PLBD1: variants seen among roughly 807,000 people sequenced by gnomAD.
The protein encoded by PLBD1 is lysosomal leucine aminopeptidase.
In PLBD1, 60 loss-of-function variants were observed where a neutral mutation model predicts 63.0. The observed-to-expected ratio is 0.95, with a 90% CI of 0.77 to 1.18. The LOEUF is 1.18. Among genes scored for constraint, PLBD1 ranks in the 50% most tolerant of loss-of-function variants. The pLI is 0.00. For missense variants in PLBD1, 598 were observed against 677.9 expected (o/e 0.88, Z 1.31); for synonymous variants, 262 against 248.0 (o/e 1.06, Z -0.53).
intron 2 of PLBD1, among the ~76,000 whole-genome samples, chr12:14,551,988 A>G (rs1350991597): frequency 6.6e-6 from 1 of 152,228 alleles, no homozygotes; most frequent in Non-Finnish European, 1.5e-5. Flanking sequence ...TAGGGTAAAA[A>G]AATTGGGTAT....
At chr12:14,520,621 G>A (rs1216420229) in intron 6 of PLBD1, among the ~76,000 whole-genome samples, 2 of 152,196 alleles carry the variant, frequency 1.3e-5, no homozygotes, top group African/African-American at 2.4e-5. Flanking sequence ...GTGTTCCGAA[G>A]GAGTACAATA....
intron 7 of PLBD1, 29 bp downstream of exon 7, chr12:14,511,482 C>T: frequency 6.2e-7 from 1 of 1,614,002 alleles, no homozygotes; most frequent in South Asian, 1.1e-5. Context: ...TATGTCTGTG[C>T]CTAACAGTTA....
At chr12:14,540,995 C>G in intron 3 of PLBD1, 93 bp from the exon 4 acceptor site, 3 of 1,286,846 alleles carry the variant, frequency 2.3e-6, no homozygotes, top group Non-Finnish European at 3.2e-6. Flanking sequence ...TACTCAGACA[C>G]TTATGCTAAT....
chr12:14,557,548 A>G (rs1417274983), intron 1 of PLBD1, among the ~76,000 whole-genome samples: 1 of 152,186 alleles, frequency 6.6e-6, no homozygotes, highest in Non-Finnish European at 1.5e-5. Context: ...TCCTGAGCAA[A>G]CTAACGTAGG....
chr12:14,547,180 T>TTGTGTCTG, intron 2 of PLBD1, among the ~76,000 whole-genome samples: 3 of 138,218 alleles, frequency 2.2e-5, no homozygotes, highest in African/African-American at 8.2e-5. Context: ...GCACCTGGCT[T>TTGTGTCTG]TGTGTGTGTG....
intron 1 of PLBD1, among the ~76,000 whole-genome samples, chr12:14,567,008 T>C (rs1250210966): frequency 6.6e-6 from 1 of 151,742 alleles, no homozygotes. Flanking sequence ...GGGAGGAGAA[T>C]CGCTTGAACC....
chr12:14,557,162 C>CA (rs1283676331), intron 1 of PLBD1, among the ~76,000 whole-genome samples: 3 of 151,896 alleles, frequency 2.0e-5, no homozygotes, highest in Admixed American at 6.6e-5. Context: ...TTTAAAATGT[C>CA]AAAAAAATAA....
At chr12:14,526,833 G>A (rs780300985) in intron 6 of PLBD1, among the ~76,000 whole-genome samples, 5 of 152,062 alleles carry the variant, frequency 3.3e-5, no homozygotes, top group Admixed American at 1.3e-4. Flanking sequence ...TTGGCCGGGC[G>A]TGGTGGCGCA....
chr12:14,536,704 T>G lies in PLBD1; in HGVS notation c.565A>C (p.Thr189Pro), dbSNP rs144076568. The G allele has an allele frequency of 5.8e-4, 928 of 1,613,902 alleles. 8 individuals carry two copies. The Admixed American group carries it at 0.015, about 26-fold the overall frequency. Residue 189 changes from threonine to proline, a missense_variant, in exon 5 of 11, where the codon ACC becomes CCC. Coordinates refer to ENST00000240617, the MANE Select transcript of PLBD1 (RefSeq NM_024829.6). ...RAILEGTKPM[T>P]LFQIQFLNSV... ...TTCAGGAACTGAATCTGGAACAGGG[T>G]CATTGGCTAGGAAAGGACAAAGACT...
rs1318338381 is a variant in PLBD1, at chr12:14,540,914, A to G, written c.420-12T>C. ...ACTTATCTTGCTTCCTGGAAGAGAA[A>G]TTAGATTTGCACCACAGTCTCAATA... On this transcript the variant is annotated splice_polypyrimidine_tract_variant and intron_variant, in intron 3 of 10. Coordinates refer to ENST00000240617, the MANE Select transcript of PLBD1 (RefSeq NM_024829.6). The G allele has an allele frequency of 3.8e-6, 6 of 1,588,202 alleles. No individual in the cohort carries two copies. The highest frequency in any genetic ancestry group is 4.3e-6 in the Non-Finnish European group (5 of 1,161,450).
chr12:14,503,751 C>A lies in PLBD1; in HGVS notation c.*21G>T. 6 of 1,600,008 alleles carry A rather than the reference C, an allele frequency of 3.7e-6. No individual in the cohort carries two copies. Among genetic ancestry groups the A allele is most frequent in the Non-Finnish European group, 5.1e-6 (6 of 1,168,000 alleles). ...CCTTTGGTATCTTATTTACAGTCTT[C>A]TAGTCCGTCATCTCCCTCCTTCATT... On this transcript the variant is annotated 3_prime_UTR_variant, in exon 11 of 11. Transcript: ENST00000240617.
intron 1 of PLBD1, among the ~76,000 whole-genome samples, chr12:14,555,703 T>G (rs190286437): frequency 1.4e-4 from 21 of 152,296 alleles, no homozygotes; most frequent in Admixed American, 2.6e-4. Context: ...GGTCAACACC[T>G]TTGACTTTGC....
intron 4 of PLBD1, 104 bp from the exon 5 acceptor site, chr12:14,536,814 C>T: frequency 7.0e-7 from 1 of 1,429,456 alleles, no homozygotes; most frequent in Non-Finnish European, 9.6e-7. Context: ...GCAGGCTGTG[C>T]ATGGTGGCTC....
In PLBD1 at chr12:14,527,306, A is replaced by G. The variant is rs140117412; in HGVS notation, c.844+8353T>C. Among the ~76,000 whole-genome samples, 15 of 152,344 alleles carry G rather than the reference A, an allele frequency of 9.8e-5. No homozygotes were observed. The East Asian group carries it at 2.5e-3, about 25-fold the overall frequency. On this transcript the variant is annotated intron_variant, in intron 6 of 10. Coordinates refer to ENST00000240617, the MANE Select transcript of PLBD1 (RefSeq NM_024829.6). ...TATGGCACCAATTTACTAAAGAACA[A>G]CAGGGTCACCAACTGATCTCAAACA... is the stretch of plus-strand genomic sequence containing the variant.
chr12:14,512,119 T>C (rs1201440667), intron 6 of PLBD1, among the ~76,000 whole-genome samples: 1 of 151,052 alleles, frequency 6.6e-6, no homozygotes, highest in Non-Finnish European at 1.5e-5. Context: ...TCTTTTCTAC[T>C]TTCCTGTATT....
Position 14,506,930 on chromosome 12 carries a change from T to C in PLBD1, c.1372+3A>G. Reference sequence around the variant, plus strand: ...AATGATTCTTGAGAAATATGCTACGTACTGTTGTATCGCATGATATATTTC... The same window carrying C: ...AATGATTCTTGAGAAATATGCTACGCACTGTTGTATCGCATGATATATTTC... On this transcript the variant is annotated splice_donor_region_variant and intron_variant, in intron 9 of 10. Transcript: ENST00000240617. The C allele has an allele frequency of 6.2e-7, 1 of 1,613,166 alleles. No homozygotes were observed.
At chr12:14,514,183 T>C (rs1309474316) in intron 6 of PLBD1, among the ~76,000 whole-genome samples, 1 of 152,178 alleles carries the variant, frequency 6.6e-6, no homozygotes, top group Non-Finnish European at 1.5e-5. Flanking sequence ...GGTTTAACAG[T>C]ACTCTTGAAT....
rs748714291 is a variant in PLBD1, at chr12:14,540,864, T to C, written c.458A>G (p.Tyr153Cys). 6.2e-7 allele frequency: 1 copy of C among 1,605,602 alleles called. No individual in the cohort carries two copies. Among genetic ancestry groups the C allele is most frequent in the African/African-American group, 1.3e-5 (1 of 74,932 alleles). The change falls in exon 4 of 11, where the codon TAC (tyrosine) becomes TGC (cysteine). Residue 153 changes from tyrosine (Y) to cysteine (C), a missense_variant. By Grantham distance (194) the Tyr-to-Cys change is radical (BLOSUM62 -2). Transcript: ENST00000240617. ...DKWTRKNIKE[Y>C]KTDSFWRHTG... The stretch of plus-strand genomic sequence containing the variant: ...ATGTCTCCAAAATGAATCAGTCTTG[T>C]ATTCTTTGATATTTTTCCGGGTCCA...
At chr12:14,505,853 T>G (rs1321005638) in intron 10 of PLBD1, among the ~76,000 whole-genome samples, 1 of 152,236 alleles carries the variant, frequency 6.6e-6, no homozygotes, top group Non-Finnish European at 1.5e-5. Context: ...CACTAAGTGC[T>G]GTTGTAAACA....
Sources: gnomAD v4.1 joint callset for allele counts (sites outside exome capture counted in the v4.1 genomes callset) on GRCh38, gnomAD v4.1.1 for gene constraint, MANE v1.5 for transcripts, NCBI Gene and HGNC (gene_info 2026-07-23, HGNC 2026-07-21) for gene names.